LSR: variants seen among roughly 807,000 people sequenced by gnomAD.
LSR encodes lipolysis-stimulated lipoprotein receptor.
Under a neutral mutation model 61.8 loss-of-function variants are expected in LSR, and 44 were observed. The observed-to-expected ratio is 0.71, with a 90% CI of 0.56 to 0.91. The LOEUF (loss-of-function observed/expected upper bound fraction) is 0.91. Ranked by LOEUF, LSR falls within the 40% of genes least tolerant of loss-of-function variation. The pLI, the probability that LSR is intolerant of heterozygous loss-of-function variation, is 0.00. For synonymous variants in LSR, 397 were observed against 350.6 expected (o/e 1.13, Z -1.48); for missense variants, 911 against 830.5 (o/e 1.10, Z -1.19).
chr19:35,266,643 C>T (rs763403262), intron 6 of LSR, 36 bp from the exon 7 acceptor site: 3 of 1,600,216 alleles, frequency 1.9e-6, no homozygotes, highest in African/African-American at 1.3e-5. Context: ...GGGCTCTGCT[C>T]CTGGTGCGCG....
Position 35,267,558 on chromosome 19 carries a change from A to G in LSR, c.1594A>G (p.Arg532Gly), listed in dbSNP as rs747898152. The G allele has an allele frequency of 1.2e-5, 19 of 1,612,210 alleles. No homozygotes were observed. Among genetic ancestry groups the G allele is most frequent in the Non-Finnish European group, 1.4e-5 (16 of 1,179,718 alleles). ...CCGGGACCCTCGGGACAACGGCTCC[A>G]GGTCCGGGGACCTCCCCTATGATGG... ...RTRDPRDNGSRSGDLPYDGRL... is the reference protein window; with the variant it reads ...RTRDPRDNGSGSGDLPYDGRL... Residue 532 changes from arginine (R) to glycine (G), a missense_variant, in exon 9 of 10, where the codon AGG becomes GGG. Physicochemically the swap from Arg to Gly is moderately radical, Grantham distance 125. Coordinates refer to ENST00000605618, the MANE Select transcript of LSR (RefSeq NM_205834.4).
In LSR at chr19:35,250,402, A is replaced by G; in HGVS notation, c.197A>G (p.Gln66Arg). ...FQPVTLPCTY[Q>R]MTSTPTQPIV... ...CCTGTGACCCTGCCCTGTACCTACC[A>G]GATGACCTCGACCCCCACGCAACCC... The change falls in exon 2 of 10, where the codon CAG becomes CGG. Residue 66 changes from glutamine to arginine, a missense_variant. Physicochemically the swap from Gln to Arg is conservative, Grantham distance 43 (BLOSUM62 1). Transcript: ENST00000605618. 1 of 1,613,504 alleles carries G rather than the reference A, an allele frequency of 6.2e-7. No homozygotes were observed. The highest frequency in any genetic ancestry group is 8.5e-7 in the Non-Finnish European group (1 of 1,179,710).
rs142735373 is a variant in LSR at position 35,260,501 on chromosome 19, G to A, written c.575-1424G>A. On this transcript the variant is annotated intron_variant, in intron 3 of 9. Transcript: ENST00000605618. ...GTAGAGACTGGGTTTCACCATGTTAGCCAGGATGGTCTCGATCTCCTGACC... is the reference window on the plus strand; with the variant it reads ...GTAGAGACTGGGTTTCACCATGTTAACCAGGATGGTCTCGATCTCCTGACC... 1.8e-3 allele frequency among the ~76,000 whole-genome samples: 280 copies of A among 151,852 alleles called. 9 individuals carry two copies. The East Asian group carries it at 0.05, about 27-fold the overall frequency.
In LSR at chr19:35,267,461, G is replaced by A; in HGVS notation, c.1497G>A (p.Arg499=). The part of the protein sequence containing the change: ...QDDSRDFPRS[R]DPHYDDFRSR... ...ACTCGAGGGACTTCCCACGCTCCCG[G>A]GACCCCCACTACGACGACTTCAGGT... The change falls in exon 9 of 10, where the codon CGG becomes CGA. Residue 499 remains arginine (R), a synonymous_variant. Coordinates refer to ENST00000605618, the MANE Select transcript of LSR (RefSeq NM_205834.4). 1.9e-6 allele frequency: 3 copies of A among 1,610,728 alleles called. No homozygotes were observed. The highest frequency in any genetic ancestry group is 2.5e-6 in the Non-Finnish European group (3 of 1,179,424).
At chr19:35,249,167 C>G in intron 1 of LSR, 36 bp downstream of exon 1, 1 of 1,514,232 alleles carries the variant, frequency 6.6e-7, no homozygotes, top group Non-Finnish European at 8.8e-7. Flanking sequence ...TGCGGAACGC[C>G]GGAGGGAACT....
At chr19:35,255,101 C>A (rs2145503386) in intron 2 of LSR, among the ~76,000 whole-genome samples, 1 of 152,152 alleles carries the variant, frequency 6.6e-6, no homozygotes, top group Middle Eastern at 3.4e-3. Context: ...CTTCAGGAGG[C>A]CGAGGCAGGA....
At chr19:35,266,807 C>G in intron 7 of LSR, 29 bp from the exon 8 acceptor site, 1 of 1,607,284 alleles carries the variant, frequency 6.2e-7, no homozygotes. Flanking sequence ...TCCATCCTCC[C>G]AAACCGACCA....
Position 35,250,600 on chromosome 19 carries a change from A to C in LSR, c.395A>C (p.Gln132Pro). Residue 132 changes from glutamine (Q) to proline (P), a missense_variant, in exon 2 of 10, where the codon CAG (glutamine) becomes CCG (proline). Coordinates refer to ENST00000605618, the MANE Select transcript of LSR (RefSeq NM_205834.4). Reference sequence around the variant, plus strand: ...ACCGTCAGGGTCGTGGCCACCAAGCAGGGCAACGCTGTGACCCTGGGAGAT... The same window carrying C: ...ACCGTCAGGGTCGTGGCCACCAAGCCGGGCAACGCTGTGACCCTGGGAGAT... ...VRTVRVVATKQGNAVTLGDYY... is the reference protein window; with the variant it reads ...VRTVRVVATKPGNAVTLGDYY... 1 of 1,606,806 alleles carries C rather than the reference A, an allele frequency of 6.2e-7. No homozygotes were observed. The highest frequency in any genetic ancestry group is 1.1e-5 in the South Asian group (1 of 90,540).
rs777097597 is a variant in LSR at position 35,261,968 on chromosome 19, G to A, written c.618G>A (p.Ala206=). The part of the protein sequence containing the change: ...GVAELLPGFQ[A]GPIEDWLFVV... ...CTGAGCTCTTACCTGGTTTTCAGGC[G>A]GGGCCCATAGAAGGTACGGGGGGTG... Residue 206 remains alanine, a synonymous_variant, in exon 4 of 10, where the codon GCG becomes GCA. Transcript: ENST00000605618. 3.7e-5 allele frequency: 56 copies of A among 1,505,384 alleles called. No individual in the cohort carries two copies. In the East Asian group the frequency reaches 4.3e-4, roughly 11 times the overall value. The allele number at this position is 1,505,384 out of a possible 1,614,324, so 93.3% of individuals were successfully genotyped here.
intron 3 of LSR, among the ~76,000 whole-genome samples, chr19:35,260,717 C>T (rs553260140): frequency 2.0e-5 from 3 of 152,182 alleles, no homozygotes; most frequent in Admixed American, 2.0e-4. Flanking sequence ...AGCCCAGCTT[C>T]TTGGGAGGCT....
chr19:35,262,455 C>T, intron 4 of LSR, 91 bp from the exon 5 acceptor site: 13 of 1,442,816 alleles, frequency 9.0e-6, no homozygotes, highest in Non-Finnish European at 1.3e-5. Flanking sequence ...TCCCCGACCT[C>T]AGTGCTGGCT....
intron 5 of LSR, among the ~76,000 whole-genome samples, chr19:35,263,377 T>C (rs1188772826): frequency 6.6e-6 from 1 of 152,196 alleles, no homozygotes; most frequent in Non-Finnish European, 1.5e-5. Context: ...TTTTTTTGTT[T>C]TAGAGAAAGG....
intron 3 of LSR, among the ~76,000 whole-genome samples, chr19:35,260,037 CG>C (rs2065906613): frequency 1.3e-5 from 2 of 152,066 alleles, no homozygotes; most frequent in Non-Finnish European, 2.9e-5. Flanking sequence ...TGAATGAGCA[CG>C]TGACTGGGGG....
Position 35,267,848 on chromosome 19 carries a change from TTA to T in LSR, c.1796_1797del (p.Leu599CysfsTer5), listed in dbSNP as rs757108516. On this transcript the variant is annotated frameshift_variant, in exon 10 of 10. Transcript: ENST00000605618. LOFTEE classifies it high-confidence loss of function. ...GAACTTGGCCCTGAGTCGGGAAAGT[TTA>T]GTCGTCTGATCTGACGTTTTCTACG... ...KKNLALSRES[L>X]VV 1 of 1,613,910 alleles carries T rather than the reference TTA, an allele frequency of 6.2e-7. No homozygotes were observed. Among genetic ancestry groups the T allele is most frequent in the Non-Finnish European group, 8.5e-7 (1 of 1,179,920 alleles).
chr19:35,256,601 G>C (rs2065859314), intron 2 of LSR, among the ~76,000 whole-genome samples: 1 of 152,192 alleles, frequency 6.6e-6, no homozygotes, highest in Non-Finnish European at 1.5e-5. Flanking sequence ...GGGAACCCCA[G>C]GGTCTAGAGG....
intron 1 of LSR, among the ~76,000 whole-genome samples, chr19:35,249,788 G>A (rs539556076): frequency 6.6e-6 from 1 of 152,272 alleles, no homozygotes; most frequent in East Asian, 1.9e-4. Context: ...TTAGAGTAGG[G>A]TGAGGTGGTG....
In LSR at chr19:35,250,360, T is replaced by C; in HGVS notation, c.155T>C (p.Val52Ala). 1.3e-6 allele frequency: 2 copies of C among 1,585,554 alleles called. No homozygotes were observed. The highest frequency in any genetic ancestry group is 1.7e-6 in the Non-Finnish European group (2 of 1,160,704). ...GTGACCGTGTCCAACCCCTACCACG[T>C]GGTGATCCTCTTCCAGCCTGTGACC... is the stretch of plus-strand genomic sequence containing the variant. ...IQVTVSNPYH[V>A]VILFQPVTLP... The change falls in exon 2 of 10, where the codon GTG becomes GCG. Residue 52 changes from valine (V) to alanine (A), a missense_variant. Val to Ala is a moderately conservative substitution (Grantham distance 64). Transcript: ENST00000605618.
intron 5 of LSR, among the ~76,000 whole-genome samples, chr19:35,266,054 G>A (rs1220768103): frequency 3.3e-5 from 5 of 152,218 alleles, no homozygotes; most frequent in East Asian, 3.8e-4. Context: ...AAATGTTGGC[G>A]AATTACCATG....
intron 8 of LSR, 37 bp downstream of exon 8, chr19:35,267,004 TG>T (rs745881217): frequency 6.3e-6 from 10 of 1,585,872 alleles, no homozygotes; most frequent in South Asian, 2.3e-5. Context: ...GCTTTTAAGG[TG>T]GGGGGGTGAA....
Sources: allele counts gnomAD v4.1 joint callset (sites outside exome capture counted in the v4.1 genomes callset), GRCh38; gene constraint gnomAD v4.1.1; transcripts MANE v1.5; gene names NCBI Gene and HGNC (gene_info 2026-07-23, HGNC 2026-07-21).